The following SNX1 variants were observed in gnomAD, a reference collection of about 807,000 sequenced individuals.
The protein encoded by SNX1 is sorting nexin 1.
A neutral mutation model predicts 71.8 loss-of-function variants in SNX1; 36 were observed. That is an observed-to-expected ratio of 0.50 (90% confidence interval 0.38 to 0.66). The LOEUF is 0.66. Ranked by LOEUF, SNX1 falls within the 30% of genes least tolerant of loss-of-function variation. The probability of loss-of-function intolerance (pLI) is 0.00; values close to 1 mark genes in which losing one functional copy is unlikely to be tolerated. For synonymous variants in SNX1, 254 were observed against 240.7 expected, an observed-to-expected ratio of 1.06 and a Z score of -0.51; for missense variants, 612 against 646.7, an observed-to-expected ratio of 0.95 and a Z score of 0.58.
At chr15:64,105,519 A>G (rs189323425) in intron 1 of SNX1, among the ~76,000 whole-genome samples, 9 of 152,326 alleles carry the variant, frequency 5.9e-5, no homozygotes, top group East Asian at 5.8e-4. Context: ...CTGTTGCTCA[A>G]CTTTTTCTGG....
At chr15:64,126,302 ACTACTT>A in intron 6 of SNX1, 82 bp downstream of exon 6, 1 of 1,372,534 alleles carries the variant, frequency 7.3e-7, no homozygotes, top group South Asian at 1.3e-5. Context: ...AGTATATGAG[ACTACTT>A]CTATTAACAG....
In SNX1 at chr15:64,144,118, G is replaced by A. The variant is rs1288574345; in HGVS notation, c.*6500G>A. On this transcript the variant is annotated 3_prime_UTR_variant, in exon 15 of 15. Transcript: ENST00000559844. This position sits in a 1 kb window ranked among gnomAD's most constrained non-coding sequence, Gnocchi z 4.3. ...GTTAATAACTATGGTCACCTCTAGA[G>A]ATGGAAGTTTGCATTACCTTTAATT... 1.3e-5 allele frequency: 2 copies of A among 152,210 alleles called. No homozygotes were observed. Among genetic ancestry groups the A allele is most frequent in the Non-Finnish European group, 2.9e-5 (2 of 68,040 alleles). 9.4% of individuals were successfully genotyped at this position (152,210 alleles called of 1,614,324 possible). A position where few individuals can be genotyped will look rare whatever the true frequency, so the allele number is the denominator to read the frequency against.
rs2081334166 is a variant in SNX1 at position 64,134,149 on chromosome 15, C to T, written c.1222-515C>T. The T allele has an allele frequency of 6.6e-6, 1 of 152,342 alleles. No homozygotes were observed. Among genetic ancestry groups the T allele is most frequent in the African/African-American group, 2.4e-5 (1 of 41,438 alleles). The allele number at this position is 152,342 out of a possible 1,614,324, so 9.4% of individuals were successfully genotyped here. On this transcript the variant is annotated intron_variant, in intron 11 of 14. Coordinates refer to ENST00000559844, the MANE Select transcript of SNX1 (RefSeq NM_003099.5). The surrounding 1 kb of genome is among the most constrained non-coding windows in gnomAD (Gnocchi z 4.1). ...GACATATTTCCCAGGCTAAGCTAGG[C>T]CTCTGGTTTCATGTTATAGTACCCT... is the stretch of plus-strand genomic sequence containing the variant.
At chr15:64,127,864 A>G in intron 8 of SNX1, 58 bp downstream of exon 8, 1 of 1,333,556 alleles carries the variant, frequency 7.5e-7, no homozygotes, top group Non-Finnish European at 1.1e-6. Flanking sequence ...GTGAAACGAA[A>G]CTAGTTCATT....
rs114796564 is a variant in SNX1, at chr15:64,143,570, C to G, written c.*5952C>G. ...ATCTCCCAGTCCTTCCCAACAGCGC[C>G]GACACCTCATGGAAACTGATTGCAA... On this transcript the variant is annotated 3_prime_UTR_variant, in exon 15 of 15. Coordinates refer to ENST00000559844, the MANE Select transcript of SNX1 (RefSeq NM_003099.5). 6.6e-6 allele frequency: 1 copy of G among 152,210 alleles called. No individual in the cohort carries two copies. The highest frequency in any genetic ancestry group is 2.1e-4 in the South Asian group (1 of 4,828). 9.4% of individuals were successfully genotyped at this position (152,210 alleles called of 1,614,324 possible). A position where few individuals can be genotyped will look rare whatever the true frequency, so the allele number is the denominator to read the frequency against.
intron 1 of SNX1, among the ~76,000 whole-genome samples, chr15:64,107,697 G>A (rs1200004294): frequency 6.6e-6 from 1 of 151,354 alleles, no homozygotes; most frequent in Non-Finnish European, 1.5e-5. Context: ...CAGCCAAAGG[G>A]AGTAAGCAAG....
At chr15:64,123,149 G>C (rs1303933754) in intron 4 of SNX1, among the ~76,000 whole-genome samples, 1 of 152,206 alleles carries the variant, frequency 6.6e-6, no homozygotes, top group African/African-American at 2.4e-5. Context: ...TTGGACAGAT[G>C]TGTGTAACCA....
intron 1 of SNX1, among the ~76,000 whole-genome samples, chr15:64,102,793 G>C (rs2080978477): frequency 9.7e-6 from 1 of 103,304 alleles, no homozygotes; most frequent in African/African-American, 3.6e-5. Flanking sequence ...TTTTGACACA[G>C]GGTCTTGCTC....
At chr15:64,126,036 C>G in intron 5 of SNX1, 43 bp from the exon 6 acceptor site, 1 of 1,608,266 alleles carries the variant, frequency 6.2e-7, no homozygotes. Context: ...ATACCATCCC[C>G]TATTTGGAAT....
chr15:64,119,971 A>T (rs1231489508), intron 4 of SNX1, among the ~76,000 whole-genome samples: 3 of 152,176 alleles, frequency 2.0e-5, no homozygotes, highest in Non-Finnish European at 2.9e-5. Flanking sequence ...GTTGAATTGT[A>T]CTCAAAATTG....
chr15:64,132,886 C>G (rs1045643494), intron 11 of SNX1, among the ~76,000 whole-genome samples: 1 of 152,224 alleles, frequency 6.6e-6, no homozygotes, highest in Non-Finnish European at 1.5e-5. Context: ...AGTGATGAGT[C>G]TACCTGCTAT....
rs1555494240 is a variant in SNX1 at position 64,141,033 on chromosome 15, T to TAGATG, written c.*3416_*3417insGATGA. On this transcript the variant is annotated 3_prime_UTR_variant, in exon 15 of 15. Transcript: ENST00000559844. This position sits in a 1 kb window ranked among gnomAD's most constrained non-coding sequence, Gnocchi z 5.1. ...GATAGATAGATAGATAGATGATAGA[T>TAGATG]ATAGATAGATAGATAGATTGATTGA... The TAGATG allele has an allele frequency of 1.7e-4, 20 of 116,556 alleles. No individual in the cohort carries two copies. The highest frequency in any genetic ancestry group is 5.5e-4 in the African/African-American group (15 of 27,414). The allele number at this position is 116,556 out of a possible 1,614,324, so 7.2% of individuals were successfully genotyped here.
In SNX1 at chr15:64,101,561, C is replaced by A. The variant is rs76350914; in HGVS notation, c.159+5389C>A. 6.6e-3 allele frequency among the ~76,000 whole-genome samples: 998 copies of A among 152,302 alleles called. 9 individuals carry two copies. Among genetic ancestry groups the A allele is most frequent in the African/African-American group, 0.023 (961 of 41,544 alleles). ...TGGCAATTGTAAATAGTGCTGATGT[C>A]AACATGAGTGTGCAAACATCTCCTC... On this transcript the variant is annotated intron_variant, in intron 1 of 14. Transcript: ENST00000559844.
chr15:64,122,775 A>G (rs1289017510), intron 4 of SNX1, among the ~76,000 whole-genome samples: 1 of 152,234 alleles, frequency 6.6e-6, no homozygotes, highest in Non-Finnish European at 1.5e-5. Context: ...TGCTCAGGAT[A>G]TCAATGGCAT....
chr15:64,117,295 C>T (rs1343456218), intron 2 of SNX1, among the ~76,000 whole-genome samples: 1 of 152,082 alleles, frequency 6.6e-6, no homozygotes, highest in Non-Finnish European at 1.5e-5. Flanking sequence ...CCCTCTGTTG[C>T]CCAGGCTGAA....
chr15:64,119,084 A>T (rs1235552534), intron 4 of SNX1, among the ~76,000 whole-genome samples: 1 of 151,830 alleles, frequency 6.6e-6, no homozygotes, highest in Non-Finnish European at 1.5e-5. Flanking sequence ...CAGAGTCATC[A>T]AATACTACTA....
chr15:64,125,928 T>G, intron 5 of SNX1, 151 bp from the exon 6 acceptor site: 2 of 795,698 alleles, frequency 2.5e-6, no homozygotes, highest in South Asian at 3.1e-5. Flanking sequence ...TTTAAAAAGT[T>G]TAAGACTCTC....
chr15:64,111,824 C>T (rs767146660), intron 1 of SNX1, among the ~76,000 whole-genome samples: 1 of 152,216 alleles, frequency 6.6e-6, no homozygotes, highest in Admixed American at 6.5e-5. Flanking sequence ...ACATTCTCAA[C>T]TTTCAGCTCA....
intron 1 of SNX1, among the ~76,000 whole-genome samples, chr15:64,108,646 A>G (rs2081047187): frequency 6.6e-6 from 1 of 152,150 alleles, no homozygotes; most frequent in South Asian, 2.1e-4. Flanking sequence ...AGCCTTAAAA[A>G]ACTTAATTTT....
Sources: allele counts gnomAD v4.1 joint callset (sites outside exome capture counted in the v4.1 genomes callset), GRCh38; gene constraint gnomAD v4.1.1; non-coding constraint Gnocchi (gnomAD v3.1); transcripts MANE v1.5; gene names NCBI Gene and HGNC (gene_info 2026-07-23, HGNC 2026-07-21).